ABCG4: variants seen among roughly 807,000 people sequenced by gnomAD.
The protein encoded by ABCG4 is ATP-binding cassette sub-family G member 4.
ABCG4 carries 35 observed loss-of-function variants against 64.6 expected under a neutral mutation model. That is an observed-to-expected ratio of 0.54 (90% CI 0.41 to 0.72). ABCG4 has a LOEUF of 0.72. Among genes scored for constraint, ABCG4 ranks in the 30% least tolerant of loss-of-function variants. The probability of loss-of-function intolerance (pLI) is 0.00; values close to 1 mark genes in which losing one functional copy is unlikely to be tolerated. For synonymous variants in ABCG4, 326 were observed against 348.2 expected, an observed-to-expected ratio of 0.94 and a Z score of 0.71; for missense variants, 610 against 846.3, an observed-to-expected ratio of 0.72 and a Z score of 3.46.
chr11:119,157,232 T>C (rs1385705472), intron 9 of ABCG4, among the ~76,000 whole-genome samples: 1 of 152,246 alleles, frequency 6.6e-6, no homozygotes, highest in Non-Finnish European at 1.5e-5. Flanking sequence ...GACTTATTCA[T>C]TCAGCAAGTT....
chr11:119,156,925 G>A lies in ABCG4; in HGVS notation c.979G>A (p.Ala327Thr). 1 of 1,614,014 alleles carries A rather than the reference G, an allele frequency of 6.2e-7. No homozygotes were observed. Among genetic ancestry groups the A allele is most frequent in the Non-Finnish European group, 8.5e-7 (1 of 1,179,960 alleles). Residue 327 changes from alanine (A) to threonine (T), a missense_variant, in exon 9 of 15, where the codon GCT becomes ACT. Ala to Thr is a moderately conservative substitution (Grantham distance 58). Coordinates refer to ENST00000619701, the MANE Select transcript of ABCG4 (RefSeq NM_022169.5). This position sits in a 1 kb window ranked among gnomAD's most constrained non-coding sequence, Gnocchi z 5.5. ...AGACCTGAACCCCATGTTGTTCAGG[G>A]CTGTGCAGAATGGGCTGTGCGCTAT... ...YGDLNPMLFRAVQNGLCAMAE... is the reference protein window; with the variant it reads ...YGDLNPMLFRTVQNGLCAMAE...
At position 119,156,868 on chromosome 11, in the gene ABCG4, C is replaced by G. The variant is rs770589629; in HGVS notation, c.926-4C>G. 1 of 1,606,008 alleles carries G rather than the reference C, an allele frequency of 6.2e-7. No homozygotes were observed. The highest frequency in any genetic ancestry group is 2.2e-5 in the East Asian group (1 of 44,790). Reference sequence around the variant, plus strand: ...AAACTGAGCTCTCCACTCTGTGTCCCCAGTCATCGAGGTGGCCTCTGGCGA... The same window carrying G: ...AAACTGAGCTCTCCACTCTGTGTCCGCAGTCATCGAGGTGGCCTCTGGCGA... On this transcript the variant is annotated splice_polypyrimidine_tract_variant and splice_region_variant and intron_variant, in intron 8 of 14. Transcript: ENST00000619701. This position sits in a 1 kb window ranked among gnomAD's most constrained non-coding sequence, Gnocchi z 5.5.
intron 9 of ABCG4, among the ~76,000 whole-genome samples, chr11:119,157,759 G>T (rs1428379993): frequency 6.6e-6 from 1 of 152,118 alleles, no homozygotes; most frequent in Non-Finnish European, 1.5e-5. Flanking sequence ...CCAGCTACTC[G>T]GGAGGCTGAG....
At position 119,160,843 on chromosome 11, in the gene ABCG4, T is replaced by C. The variant is rs370459016; in HGVS notation, c.1716-38T>C. The C allele has an allele frequency of 2.5e-6, 4 of 1,590,648 alleles. No individual in the cohort carries two copies. Among genetic ancestry groups the C allele is most frequent in the Non-Finnish European group, 3.4e-6 (4 of 1,161,632 alleles). On this transcript the variant is annotated intron_variant, in intron 14 of 14. Transcript: ENST00000619701. This position sits in a 1 kb window ranked among gnomAD's most constrained non-coding sequence, Gnocchi z 4.6. ...CAGTTTTCTCAGAGAGCAGGGACCC[T>C]GTGTGCTGTATCCCATCTGATATCC...
chr11:119,158,549 C>T lies in ABCG4; in HGVS notation c.1168-8C>T, dbSNP rs750804052. Reference sequence around the variant, plus strand: ...CACATCCCTCTCCTGGTGATGACCCCTCCCAAGGTCCTGACCCACCTACGG... The same window carrying T: ...CACATCCCTCTCCTGGTGATGACCCTTCCCAAGGTCCTGACCCACCTACGG... On this transcript the variant is annotated splice_region_variant and splice_polypyrimidine_tract_variant and intron_variant, in intron 10 of 14. Coordinates refer to ENST00000619701, the MANE Select transcript of ABCG4 (RefSeq NM_022169.5). The surrounding 1 kb of genome is among the most constrained non-coding windows in gnomAD (Gnocchi z 4.5). 2.5e-6 allele frequency: 4 copies of T among 1,614,190 alleles called. No homozygotes were observed. In the South Asian group the frequency reaches 3.3e-5, roughly 13 times the overall value.
rs1405873375 is a variant in ABCG4 at position 119,154,711 on chromosome 11, T to A, written c.541-59T>A. 1.8e-5 allele frequency: 29 copies of A among 1,586,466 alleles called. No individual in the cohort carries two copies. In the Admixed American group the frequency reaches 5.0e-4, roughly 27 times the overall value. On this transcript the variant is annotated intron_variant, in intron 5 of 14. Transcript: ENST00000619701. This position sits in a 1 kb window ranked among gnomAD's most constrained non-coding sequence, Gnocchi z 7.0. ...AGGGAGATGCTTTTTGAAGCTGGGG[T>A]GGTGCCTGGGGGAAGCAGAGACTCC...
Position 119,158,464 on chromosome 11 carries a change from T to C in ABCG4, c.1168-93T>C, listed in dbSNP as rs1268994887. The C allele has an allele frequency of 1.5e-5, 24 of 1,574,904 alleles. No individual in the cohort carries two copies. Among genetic ancestry groups the C allele is most frequent in the Non-Finnish European group, 2.0e-5 (23 of 1,145,314 alleles). On this transcript the variant is annotated intron_variant, in intron 10 of 14. Coordinates refer to ENST00000619701, the MANE Select transcript of ABCG4 (RefSeq NM_022169.5). The surrounding 1 kb of genome is among the most constrained non-coding windows in gnomAD (Gnocchi z 4.5). Reference sequence around the variant, plus strand: ...AATGTGCCTGTGGGGTCTCTGTGCCTGTGAGGGCAGCTCCGAGTTCCTACT... The same window carrying C: ...AATGTGCCTGTGGGGTCTCTGTGCCCGTGAGGGCAGCTCCGAGTTCCTACT...
intron 9 of ABCG4, 127 bp downstream of exon 9, chr11:119,157,141 G>A (rs780272818): frequency 2.5e-5 from 34 of 1,335,622 alleles, no homozygotes; most frequent in Non-Finnish European, 3.2e-5. Flanking sequence ...GAAGAACCTA[G>A]GACTTGGAAT....
intron 12 of ABCG4, among the ~76,000 whole-genome samples, chr11:119,159,609 G>A (rs947401412): frequency 6.6e-6 from 1 of 152,208 alleles, no homozygotes; most frequent in Non-Finnish European, 1.5e-5. Context: ...TGGCACATAC[G>A]AAGTGCCCAG....
In ABCG4 at chr11:119,155,042, T is replaced by C; in HGVS notation, c.686+127T>C. On this transcript the variant is annotated intron_variant, in intron 6 of 14. Transcript: ENST00000619701. This position sits in a 1 kb window ranked among gnomAD's most constrained non-coding sequence, Gnocchi z 4.5. ...AGCCTCCTGGGGCCAAGATAAGGGC[T>C]TCTTCCTCATCTCCACCCTTGCCAA... The C allele has an allele frequency of 7.6e-7, 1 of 1,323,458 alleles. No individual in the cohort carries two copies. The highest frequency in any genetic ancestry group is 1.0e-6 in the Non-Finnish European group (1 of 967,884). 82.0% of individuals were successfully genotyped at this position (1,323,458 alleles called of 1,614,324 possible).
Position 119,158,618 on chromosome 11 carries a change from A to G in ABCG4, c.1229A>G (p.Tyr410Cys), listed in dbSNP as rs761465370. Residue 410 changes from tyrosine to cysteine, a missense_variant, in exon 11 of 15, where the codon TAC (tyrosine) becomes TGC (cysteine). Tyr to Cys is a radical substitution (Grantham distance 194). Transcript: ENST00000619701. The surrounding 1 kb of genome is among the most constrained non-coding windows in gnomAD (Gnocchi z 4.5). ...ATTGGCGTGCTCATCGGCCTCCTCT[A>G]CCTGCATATTGGCGACGATGCCAGC... ...VVIGVLIGLL[Y>C]LHIGDDASKV... The G allele has an allele frequency of 6.2e-7, 1 of 1,614,082 alleles. No homozygotes were observed. The highest frequency in any genetic ancestry group is 1.7e-5 in the Admixed American group (1 of 60,022).
Position 119,161,578 on chromosome 11 carries a change from G to A in ABCG4, c.*472G>A, listed in dbSNP as rs1948354996. ...TGGGCCCTGGTGGAGTCCACTGGAA[G>A]TCCCATTATGGATGTTGAAATGGAC... On this transcript the variant is annotated 3_prime_UTR_variant, in exon 15 of 15. Transcript: ENST00000619701. 6.3e-6 allele frequency: 1 copy of A among 159,044 alleles called. No homozygotes were observed. The highest frequency in any genetic ancestry group is 2.4e-5 in the African/African-American group (1 of 41,550). The allele number at this position is 159,044 out of a possible 1,614,324, so 9.9% of individuals were successfully genotyped here. A position where few individuals can be genotyped will look rare whatever the true frequency, so the allele number is the denominator to read the frequency against.
chr11:119,161,072 T>C lies in ABCG4; in HGVS notation c.1907T>C (p.Leu636Pro). ...CTAGCCCTGCGGCTGCTGGCCTACC[T>C]TGTGCTGCGTTACCGGGTCAAGTCA... ...FFLALRLLAY[L>P]VLRYRVKSER Residue 636 changes from leucine to proline, a missense_variant, in exon 15 of 15, where the codon CTT becomes CCT. Leu to Pro is a moderately conservative substitution (Grantham distance 98). Transcript: ENST00000619701. 1 of 1,613,884 alleles carries C rather than the reference T, an allele frequency of 6.2e-7. No homozygotes were observed. Among genetic ancestry groups the C allele is most frequent in the Non-Finnish European group, 8.5e-7 (1 of 1,179,932 alleles).
In ABCG4 at chr11:119,150,887, C is replaced by T. The variant is rs1948186882; in HGVS notation, c.238+684C>T. Among the ~76,000 whole-genome samples the T allele has an allele frequency of 6.6e-6, 1 of 152,238 alleles. No homozygotes were observed. The highest frequency in any genetic ancestry group is 6.5e-5 in the Admixed American group (1 of 15,290). On this transcript the variant is annotated intron_variant, in intron 2 of 14. Coordinates refer to ENST00000619701, the MANE Select transcript of ABCG4 (RefSeq NM_022169.5). This position sits in a 1 kb window ranked among gnomAD's most constrained non-coding sequence, Gnocchi z 4.3. The stretch of plus-strand genomic sequence containing the variant: ...ACAGGTTCCCCTGAACCCTGACTAG[C>T]CCCTGCAGCCCCTACCCTGAGCAGC...
Position 119,154,865 on chromosome 11 carries a change from C to T in ABCG4, c.636C>T (p.Ala212=), listed in dbSNP as rs779274927. 1.9e-5 allele frequency: 30 copies of T among 1,613,822 alleles called. No individual in the cohort carries two copies. The highest frequency in any genetic ancestry group is 2.5e-5 in the Non-Finnish European group (30 of 1,179,824). The stretch of plus-strand genomic sequence containing the variant: ...GGCAGAGGAAGCGTCTGGCCATCGC[C>T]CTGGAGCTGGTCAACAACCCGCCTG... The part of the protein sequence containing the change: ...SGGQRKRLAI[A]LELVNNPPVM... Residue 212 remains alanine, a synonymous_variant, in exon 6 of 15, where the codon GCC becomes GCT. Transcript: ENST00000619701. This position sits in a 1 kb window ranked among gnomAD's most constrained non-coding sequence, Gnocchi z 7.0.
rs1176762189 is a variant in ABCG4, at chr11:119,156,429, A to G, written c.787A>G (p.Lys263Glu). Residue 263 changes from lysine to glutamate, a missense_variant, in exon 7 of 15, where the codon AAG (lysine) becomes GAG (glutamate). Transcript: ENST00000619701. The surrounding 1 kb of genome is among the most constrained non-coding windows in gnomAD (Gnocchi z 5.5). Reference sequence around the variant, plus strand: ...CTGCACCATCCACCAGCCCAGTGCCAAGCTCTTTGAGATGTTTGACAAGGT... The same window carrying G: ...CTGCACCATCCACCAGCCCAGTGCCGAGCTCTTTGAGATGTTTGACAAGGT... ...IICTIHQPSA[K>E]LFEMFDKLYI... The G allele has an allele frequency of 1.2e-6, 2 of 1,614,164 alleles. No homozygotes were observed. Among genetic ancestry groups the G allele is most frequent in the South Asian group, 1.1e-5 (1 of 91,082 alleles).
chr11:119,158,102 A>C lies in ABCG4; in HGVS notation c.1069-132A>C. 2.8e-6 allele frequency: 2 copies of C among 716,150 alleles called. No individual in the cohort carries two copies. Among genetic ancestry groups the C allele is most frequent in the Non-Finnish European group, 4.7e-6 (2 of 424,496 alleles). 44.4% of individuals were successfully genotyped at this position (716,150 alleles called of 1,614,324 possible). The stretch of plus-strand genomic sequence containing the variant: ...GCTTTCAGGTACACAACTTAATGGT[A>C]CAAGATTCTCTGTAGACCTGGAGGA... On this transcript the variant is annotated intron_variant, in intron 9 of 14. Transcript: ENST00000619701. The surrounding 1 kb of genome is among the most constrained non-coding windows in gnomAD (Gnocchi z 4.5).
chr11:119,160,979 T>A lies in ABCG4; in HGVS notation c.1814T>A (p.Ile605Asn), dbSNP rs1442816279. ...TGCCCGTTCCGGGAGCCACAGAGCATCCTCCGAGCGCTGGATGTGGAGGAT... is the reference window on the plus strand; with the variant it reads ...TGCCCGTTCCGGGAGCCACAGAGCAACCTCCGAGCGCTGGATGTGGAGGAT... ...ERCPFREPQS[I>N]LRALDVEDAK... The change falls in exon 15 of 15, where the codon ATC becomes AAC. Residue 605 changes from isoleucine (I) to asparagine (N), a missense_variant. Transcript: ENST00000619701. The surrounding 1 kb of genome is among the most constrained non-coding windows in gnomAD (Gnocchi z 4.6). 13 of 1,614,050 alleles carry A rather than the reference T, an allele frequency of 8.1e-6. No individual in the cohort carries two copies. Among genetic ancestry groups the A allele is most frequent in the Non-Finnish European group, 1.1e-5 (13 of 1,179,984 alleles).
chr11:119,161,779 C>T lies in ABCG4; in HGVS notation c.*673C>T, dbSNP rs1948357843. On this transcript the variant is annotated 3_prime_UTR_variant, in exon 15 of 15. Transcript: ENST00000619701. ...GGATGCCCCATCCCCCTCCCCATCA[C>T]CTTTGGTGGGGGCAGGGCCTGGTGG... 6.5e-6 allele frequency: 1 copy of T among 152,832 alleles called. No individual in the cohort carries two copies. The highest frequency in any genetic ancestry group is 1.5e-5 in the Non-Finnish European group (1 of 68,206). The allele number at this position is 152,832 out of a possible 1,614,324, so 9.5% of individuals were successfully genotyped here.
Sources: gnomAD v4.1 joint callset for allele counts (sites outside exome capture counted in the v4.1 genomes callset) on GRCh38, gnomAD v4.1.1 for gene constraint, Gnocchi (gnomAD v3.1) non-coding constraint, MANE v1.5 for transcripts, NCBI Gene and HGNC (gene_info 2026-07-23, HGNC 2026-07-21) for gene names.